KIAA0319L: variants seen among roughly 807,000 people sequenced by gnomAD.
KIAA0319L encodes the protein KIAA0319 like.
KIAA0319L carries 55 observed loss-of-function variants against 120.1 expected under a neutral mutation model. The observed-to-expected ratio is 0.46, with a 90% CI of 0.37 to 0.57. The LOEUF (loss-of-function observed/expected upper bound fraction) is 0.57. Among genes scored for constraint, KIAA0319L ranks in the 20% least tolerant of loss-of-function variants. KIAA0319L has a pLI of 0.00. For synonymous variants in KIAA0319L, 398 were observed against 471.9 expected (o/e 0.84, Z 2.03); for missense variants, 1,049 against 1,255.3 (o/e 0.84, Z 2.48).
intron 3 of KIAA0319L, 31 bp from the exon 4 acceptor site, chr1:35,479,243 G>T: frequency 6.3e-7 from 1 of 1,579,120 alleles, no homozygotes; most frequent in Non-Finnish European, 8.6e-7. Flanking sequence ...ATTTGAGTAG[G>T]TAAAAGTTAC....
intron 4 of KIAA0319L, among the ~76,000 whole-genome samples, chr1:35,475,862 T>C (rs937109619): frequency 6.6e-6 from 1 of 152,196 alleles, no homozygotes; most frequent in Non-Finnish European, 1.5e-5. Context: ...ATCCTTCCTA[T>C]CTAATTTTGC....
intron 3 of KIAA0319L, among the ~76,000 whole-genome samples, chr1:35,487,215 T>C (rs751741108): frequency 3.3e-5 from 5 of 152,176 alleles, no homozygotes; most frequent in Non-Finnish European, 7.3e-5. Flanking sequence ...ACTTTGCTCC[T>C]TACAGTGTTC....
intron 10 of KIAA0319L, among the ~76,000 whole-genome samples, chr1:35,455,762 G>A (rs528485294): frequency 1.3e-5 from 2 of 151,800 alleles, no homozygotes; most frequent in African/African-American, 4.8e-5. Flanking sequence ...TTTATCTTTA[G>A]TAGAGACGGG....
At chr1:35,552,959 C>T (rs979202994) in intron 2 of KIAA0319L, among the ~76,000 whole-genome samples, 3 of 151,946 alleles carry the variant, frequency 2.0e-5, no homozygotes, top group South Asian at 2.1e-4. Context: ...TGGTGGTGTG[C>T]GCCTGTAATT....
intron 2 of KIAA0319L, among the ~76,000 whole-genome samples, chr1:35,516,168 G>A (rs1006089962): frequency 6.6e-6 from 1 of 152,082 alleles, no homozygotes; most frequent in African/African-American, 2.4e-5. Context: ...CCAAAAAATT[G>A]AAGAGGAGGA....
chr1:35,519,539 G>A (rs1645825198), intron 2 of KIAA0319L, among the ~76,000 whole-genome samples: 1 of 152,106 alleles, frequency 6.6e-6, no homozygotes, highest in Non-Finnish European at 1.5e-5. Context: ...CCACTTAACA[G>A]AGCAGACCTT....
intron 9 of KIAA0319L, among the ~76,000 whole-genome samples, chr1:35,459,818 C>T (rs1317844002): frequency 2.0e-5 from 3 of 152,140 alleles, no homozygotes; most frequent in Admixed American, 6.5e-5. Flanking sequence ...TCTAGAATAT[C>T]AATACTAGCT....
intron 8 of KIAA0319L, among the ~76,000 whole-genome samples, chr1:35,461,792 C>A (rs545339607): frequency 6.6e-6 from 1 of 152,042 alleles, no homozygotes; most frequent in Non-Finnish European, 1.5e-5. Context: ...AGGGCTTCTT[C>A]CTGTTCCCTC....
intron 3 of KIAA0319L, among the ~76,000 whole-genome samples, chr1:35,480,683 G>A (rs1195810859): frequency 1.3e-5 from 2 of 152,070 alleles, no homozygotes; most frequent in Admixed American, 1.3e-4. Flanking sequence ...TCAGGAGGCT[G>A]AGGCACAAGA....
intron 2 of KIAA0319L, among the ~76,000 whole-genome samples, chr1:35,551,813 T>C (rs1231911333): frequency 1.3e-5 from 2 of 151,440 alleles, no homozygotes; most frequent in Non-Finnish European, 2.9e-5. Context: ...TGGCATAACC[T>C]AATCCCCACC....
At position 35,434,932 on chromosome 1, in the gene KIAA0319L, G is replaced by C. The variant is rs1370057470; in HGVS notation, c.3112C>G (p.Pro1038Ala). ...QNGSVPNGQT[P>A]LKARSPREEI... ...TCCCGCGGGCTCCTGGCCTTCAGAG[G>C]GGTCTGCCCGTTGGGTACAGAGCCA... Residue 1038 changes from proline (P) to alanine (A), a missense_variant, in exon 21 of 21, where the codon CCT becomes GCT. Transcript: ENST00000325722. The C allele has an allele frequency of 1.2e-6, 2 of 1,613,540 alleles. No individual in the cohort carries two copies. The highest frequency in any genetic ancestry group is 1.7e-6 in the Non-Finnish European group (2 of 1,180,046).
intron 3 of KIAA0319L, among the ~76,000 whole-genome samples, chr1:35,494,764 C>T (rs1644735760): frequency 6.6e-6 from 1 of 152,162 alleles, no homozygotes; most frequent in African/African-American, 2.4e-5. Flanking sequence ...TGGGCCAAGA[C>T]TGTACCATTG....
chr1:35,464,172 C>T (rs919383573), intron 7 of KIAA0319L, among the ~76,000 whole-genome samples: 19 of 152,084 alleles, frequency 1.2e-4, no homozygotes, highest in Non-Finnish European at 7.4e-5. Flanking sequence ...AACTTTGCAA[C>T]TGGGTAACAG....
chr1:35,511,277 A>C (rs1216736427), intron 2 of KIAA0319L: 2 of 152,488 alleles, frequency 1.3e-5, no homozygotes, highest in Non-Finnish European at 2.9e-5. Flanking sequence ...GGAAAAAAAA[A>C]CAAAAAACCA....
intron 13 of KIAA0319L, among the ~76,000 whole-genome samples, chr1:35,451,043 G>C (rs1179064402): frequency 6.6e-6 from 1 of 152,154 alleles, no homozygotes; most frequent in Non-Finnish European, 1.5e-5. Context: ...TACTCAGCTT[G>C]GTATCTTATG....
At chr1:35,526,394 T>C (rs1359815304) in intron 2 of KIAA0319L, among the ~76,000 whole-genome samples, 1 of 134,348 alleles carries the variant, frequency 7.4e-6, no homozygotes, top group Non-Finnish European at 1.5e-5. Context: ...CATACATATA[T>C]ATATATATAT....
At chr1:35,467,633 GTTCT>G (rs1558370595) in intron 6 of KIAA0319L, among the ~76,000 whole-genome samples, 1 of 151,424 alleles carries the variant, frequency 6.6e-6, no homozygotes, top group African/African-American at 2.4e-5. Flanking sequence ...ACTTTCTATT[GTTCT>G]TTCTTCCATT....
chr1:35,533,637 G>A (rs1411949367), intron 2 of KIAA0319L, among the ~76,000 whole-genome samples: 1 of 152,108 alleles, frequency 6.6e-6, no homozygotes, highest in Non-Finnish European at 1.5e-5. Context: ...CCTTAAATTT[G>A]TCTCTTTATT....
At position 35,550,747 on chromosome 1, in the gene KIAA0319L, T is replaced by C. The variant is rs149595333; in HGVS notation, c.142+3603A>G. On this transcript the variant is annotated intron_variant, in intron 2 of 20. Transcript: ENST00000325722. Reference sequence around the variant, plus strand: ...TTTTAAATTATTAAACATTTTTTAATTCTAAAGAGACAGGGCCTCACTATG... The same window carrying C: ...TTTTAAATTATTAAACATTTTTTAACTCTAAAGAGACAGGGCCTCACTATG... Among the ~76,000 whole-genome samples the C allele has an allele frequency of 6.5e-3, 984 of 152,298 alleles. 12 individuals are homozygous for C. The highest frequency in any genetic ancestry group is 0.023 in the African/African-American group (937 of 41,554).
Sources: gnomAD v4.1 joint callset for allele counts (sites outside exome capture counted in the v4.1 genomes callset) on GRCh38, gnomAD v4.1.1 for gene constraint, MANE v1.5 for transcripts, NCBI Gene and HGNC (gene_info 2026-07-23, HGNC 2026-07-21) for gene names.